Variants in POP1 observed in about 807,000 individuals in gnomAD.
POP1 encodes ribonucleases P/MRP protein subunit POP1.
In POP1, 75 loss-of-function variants were observed where a neutral mutation model predicts 102.2. The ratio of observed to expected loss-of-function variants is 0.73; its 90% CI spans 0.61 to 0.89. The LOEUF is 0.89. Ranked by LOEUF, POP1 falls within the 40% of genes least tolerant of loss-of-function variation. POP1 has a pLI of 0.00. For missense variants in POP1, 1,116 were observed against 1,267.4 expected (o/e 0.88, Z 1.81); for synonymous variants, 436 against 464.1 (o/e 0.94, Z 0.78).
intron 9 of POP1, 51 bp from the exon 10 acceptor site, chr8:98,140,027 A>G: frequency 2.9e-6 from 4 of 1,395,216 alleles, no homozygotes; most frequent in Non-Finnish European, 3.0e-6. Flanking sequence ...TGACAAAATT[A>G]TGAAGGTGGA....
intron 12 of POP1, 70 bp downstream of exon 12, chr8:98,146,753 TA>T (rs1182447856): frequency 2.5e-6 from 3 of 1,181,276 alleles, no homozygotes; most frequent in Non-Finnish European, 3.8e-6. Flanking sequence ...CTAGAGACCA[TA>T]AAAAGTTATT....
intron 11 of POP1, among the ~76,000 whole-genome samples, chr8:98,144,029 G>T (rs1286256445): frequency 6.6e-6 from 1 of 151,708 alleles, no homozygotes; most frequent in Admixed American, 6.6e-5. Flanking sequence ...GGTGGTGGGT[G>T]CCTATAATCC....
In POP1 at chr8:98,148,930, A is replaced by T; in HGVS notation, c.1826A>T (p.Glu609Val). ...LIQQPGKVTGEDRLGWGSGWD... is the reference protein window; with the variant it reads ...LIQQPGKVTGVDRLGWGSGWD... ...CAGCAGCCAGGAAAAGTGACTGGTGAAGATCGACTAGGCTGGGGAAGTGGC... is the reference window on the plus strand; with the variant it reads ...CAGCAGCCAGGAAAAGTGACTGGTGTAGATCGACTAGGCTGGGGAAGTGGC... The change falls in exon 13 of 16, where the codon GAA becomes GTA. Residue 609 changes from glutamate (E) to valine (V), a missense_variant. Coordinates refer to ENST00000401707, the MANE Select transcript of POP1 (RefSeq NM_001145860.2). The T allele has an allele frequency of 6.2e-7, 1 of 1,613,914 alleles. No homozygotes were observed. The highest frequency in any genetic ancestry group is 8.5e-7 in the Non-Finnish European group (1 of 1,179,896).
rs74650238 is a variant in POP1 at position 98,134,133 on chromosome 8, A to G, written c.823+97A>G. On this transcript the variant is annotated intron_variant, in intron 6 of 15. Coordinates refer to ENST00000401707, the MANE Select transcript of POP1 (RefSeq NM_001145860.2). Reference sequence around the variant, plus strand: ...TGTAAGCATTTTGGAATTCAAACATATAGAAAAGTGTGTGAGACACTAATC... The same window carrying G: ...TGTAAGCATTTTGGAATTCAAACATGTAGAAAAGTGTGTGAGACACTAATC... 257 of 934,342 alleles carry G rather than the reference A, an allele frequency of 2.8e-4. 2 individuals carry two copies. In the African/African-American group the frequency reaches 3.8e-3, roughly 14 times the overall value. 57.9% of individuals were successfully genotyped at this position (934,342 alleles called of 1,614,324 possible).
rs1809643610 is a variant in POP1 at position 98,156,224 on chromosome 8, T to C, written c.2232T>C (p.Pro744=). ...KESDLRRSEV[P]CAPMPKKTHQ... The stretch of plus-strand genomic sequence containing the variant: ...GTGACCTAAGAAGATCTGAGGTGCC[T>C]TGTGCTCCCATGCCTAAAAAAACTC... The change falls in exon 15 of 16, where the codon CCT becomes CCC. Residue 744 remains proline (P), a synonymous_variant. Transcript: ENST00000401707. The C allele has an allele frequency of 1.9e-6, 3 of 1,614,070 alleles. No homozygotes were observed. The highest frequency in any genetic ancestry group is 2.5e-6 in the Non-Finnish European group (3 of 1,180,012).
In POP1 at chr8:98,134,575, G is replaced by A. The variant is rs374380026; in HGVS notation, c.927G>A (p.Thr309=). 1.7e-5 allele frequency: 28 copies of A among 1,614,010 alleles called. No homozygotes were observed. Among genetic ancestry groups the A allele is most frequent in the Admixed American group, 1.3e-4 (8 of 59,994 alleles). Residue 309 remains threonine (T), a synonymous_variant, in exon 7 of 16, where the codon ACG becomes ACA. Transcript: ENST00000401707. Reference sequence around the variant, plus strand: ...CCAGAGAAATGCTTGGGCCTGTTACGTTTATCTGGAAGTCCCAGAGGACCC... The same window carrying A: ...CCAGAGAAATGCTTGGGCCTGTTACATTTATCTGGAAGTCCCAGAGGACCC... ...KYPREMLGPV[T]FIWKSQRTPG...
chr8:98,119,036 A>C lies in POP1; in HGVS notation c.-3+1646A>C, dbSNP rs542146457. Among the ~76,000 whole-genome samples the C allele has an allele frequency of 1.7e-3, 256 of 152,312 alleles. 1 individual carries two copies. The highest frequency in any genetic ancestry group is 5.7e-3 in the African/African-American group (236 of 41,572). On this transcript the variant is annotated intron_variant, in intron 1 of 15. Transcript: ENST00000401707. ...GAATTAAATGAATAAGTCATGTAGA[A>C]TAGTGCCTGCCACATCAAGTTCTCA...
At chr8:98,144,301 A>T (rs572218014) in intron 11 of POP1, among the ~76,000 whole-genome samples, 86 of 152,162 alleles carry the variant, frequency 5.7e-4, no homozygotes, top group African/African-American at 2.0e-3. Context: ...TTTGAGACAG[A>T]GTCTCACTCT....
rs543114329 is a variant in POP1, at chr8:98,134,780, T to TG, written c.1011+127dup. On this transcript the variant is annotated intron_variant, in intron 7 of 15. Coordinates refer to ENST00000401707, the MANE Select transcript of POP1 (RefSeq NM_001145860.2). Reference sequence around the variant, plus strand: ...TGTCTGATAGTCTGATATTTGTATATGGGGGGCTCTATGATTATTGAATGA... The same window carrying TG: ...TGTCTGATAGTCTGATATTTGTATATGGGGGGGCTCTATGATTATTGAATGA... The TG allele has an allele frequency of 2.6e-3, 2,714 of 1,055,564 alleles. 5 individuals carry two copies. Among genetic ancestry groups the TG allele is most frequent in the Non-Finnish European group, 3.4e-3 (2,405 of 701,770 alleles). The allele number at this position is 1,055,564 out of a possible 1,614,324, so 65.4% of individuals were successfully genotyped here. A position where few individuals can be genotyped will look rare whatever the true frequency, so the allele number is the denominator to read the frequency against.
intron 12 of POP1, among the ~76,000 whole-genome samples, chr8:98,147,953 T>G (rs1292487962): frequency 6.6e-6 from 1 of 151,890 alleles, no homozygotes; most frequent in African/African-American, 2.4e-5. Flanking sequence ...ATGAATGGAG[T>G]GTGTGAATTG....
Position 98,123,406 on chromosome 8 carries a change from C to T in POP1, c.69C>T (p.Ser23=). The T allele has an allele frequency of 6.2e-7, 1 of 1,614,132 alleles. No individual in the cohort carries two copies. Among genetic ancestry groups the T allele is most frequent in the Non-Finnish European group, 8.5e-7 (1 of 1,180,004 alleles). ...MRNQPTNVTL[S]SGFVADRGVK... Reference sequence around the variant, plus strand: ...ACCAGCCTACCAATGTGACTCTGTCCTCTGGCTTTGTGGCTGACAGAGGTG... The same window carrying T: ...ACCAGCCTACCAATGTGACTCTGTCTTCTGGCTTTGTGGCTGACAGAGGTG... Residue 23 remains serine, a synonymous_variant, in exon 2 of 16, where the codon TCC becomes TCT. Coordinates refer to ENST00000401707, the MANE Select transcript of POP1 (RefSeq NM_001145860.2).
intron 5 of POP1, 102 bp downstream of exon 5, chr8:98,130,328 A>G (rs1440560500): frequency 6.6e-7 from 1 of 1,514,064 alleles, no homozygotes; most frequent in Non-Finnish European, 9.1e-7. Flanking sequence ...TTATGTGATT[A>G]TTCATTTTAA....
chr8:98,155,755 A>AT (rs1809628205), intron 14 of POP1, among the ~76,000 whole-genome samples: 1 of 148,620 alleles, frequency 6.7e-6, no homozygotes, highest in African/African-American at 2.5e-5. Context: ...TAATTTTTGT[A>AT]TTTTTAGTAG....
chr8:98,121,759 T>C (rs2130572513), intron 1 of POP1, among the ~76,000 whole-genome samples: 1 of 151,906 alleles, frequency 6.6e-6, no homozygotes, highest in East Asian at 1.9e-4. Context: ...CTGGGCTCAC[T>C]GTAAGCTCCA....
At chr8:98,123,150 A>T (rs1009909487) in intron 1 of POP1, among the ~76,000 whole-genome samples, 186 bp from the exon 2 acceptor site, 1 of 152,188 alleles carries the variant, frequency 6.6e-6, no homozygotes, top group Non-Finnish European at 1.5e-5. Context: ...CTTCTAACAG[A>T]CTTTATGTGG....
rs1240634113 is a variant in POP1 at position 98,157,889 on chromosome 8, C to T, written c.2693C>T (p.Ser898Phe). 1.9e-6 allele frequency: 3 copies of T among 1,614,008 alleles called. No individual in the cohort carries two copies. The African/African-American group carries it at 4.0e-5, about 22-fold the overall frequency. ...TGGCATTACTGTGGGCCCCAGGAATCCAAACACAGTGACCCATTCAGGAGC... is the reference window on the plus strand; with the variant it reads ...TGGCATTACTGTGGGCCCCAGGAATTCAAACACAGTGACCCATTCAGGAGC... ...EDWHYCGPQE[S>F]KHSDPFRSKI... Residue 898 changes from serine to phenylalanine, a missense_variant, in exon 16 of 16, where the codon TCC becomes TTC. Transcript: ENST00000401707.
chr8:98,150,750 G>A lies in POP1; in HGVS notation c.2057+111G>A, dbSNP rs1430950912. On this transcript the variant is annotated intron_variant, in intron 14 of 15. Transcript: ENST00000401707. ...CTTTGGTAATTTCATAGACTTTTCA[G>A]TGAGTTCAGCATTACTGAGAAATAA... The A allele has an allele frequency of 3.0e-6, 3 of 1,003,118 alleles. No homozygotes were observed. In the East Asian group the frequency reaches 7.6e-5, roughly 26 times the overall value. The allele number at this position is 1,003,118 out of a possible 1,614,324, so 62.1% of individuals were successfully genotyped here.
At chr8:98,144,028 T>C (rs964774483) in intron 11 of POP1, among the ~76,000 whole-genome samples, 2 of 149,700 alleles carry the variant, frequency 1.3e-5, no homozygotes. Context: ...TGGTGGTGGG[T>C]GCCTATAATC....
chr8:98,144,995 C>T (rs1410625869), intron 11 of POP1, among the ~76,000 whole-genome samples: 1 of 152,176 alleles, frequency 6.6e-6, no homozygotes, highest in Non-Finnish European at 1.5e-5. Flanking sequence ...TCAAGCCATC[C>T]TCCTACCTCA....
Sources: allele counts gnomAD v4.1 joint callset (sites outside exome capture counted in the v4.1 genomes callset), GRCh38; gene constraint gnomAD v4.1.1; transcripts MANE v1.5; gene names NCBI Gene and HGNC (gene_info 2026-07-23, HGNC 2026-07-21).